Variants in ZFHX3 observed in about 807,000 individuals in gnomAD.
ZFHX3 encodes zinc finger homeobox protein 3.
In ZFHX3, 42 loss-of-function variants were observed where a neutral mutation model predicts 279.1. The observed-to-expected ratio is 0.15, with a 90% CI of 0.12 to 0.19. The LOEUF (loss-of-function observed/expected upper bound fraction) is 0.19, where lower values mean the gene tolerates loss of function less well. Ranked by LOEUF, ZFHX3 falls within the 10% of genes least tolerant of loss-of-function variation. The probability of loss-of-function intolerance (pLI) is 1.00; values close to 1 mark genes in which losing one functional copy is unlikely to be tolerated. For synonymous variants in ZFHX3, 2,293 were observed against 1,957.8 expected (o/e 1.17, Z -4.52); for missense variants, 4,981 against 4,754.0 (o/e 1.05, Z -1.40).
At chr16:73,585,835 T>C (rs976645369) in intron 2 of ZFHX3, among the ~76,000 whole-genome samples, 1 of 152,172 alleles carries the variant, frequency 6.6e-6, no homozygotes, top group South Asian at 2.1e-4. Context: ...GAAAATGTAC[T>C]GATTAATTTT....
At chr16:73,483,361 G>C (rs1381422886) in intron 2 of ZFHX3, 1 of 455,320 alleles carries the variant, frequency 2.2e-6, no homozygotes, top group Non-Finnish European at 4.4e-6. Context: ...AAGAGAGAGA[G>C]AGAGAGAGTT....
chr16:73,677,043 G>T (rs974463692), intron 2 of ZFHX3, among the ~76,000 whole-genome samples: 2 of 151,940 alleles, frequency 1.3e-5, no homozygotes, highest in Non-Finnish European at 2.9e-5. Flanking sequence ...GAAGACCAAA[G>T]GATACAGTGG....
At chr16:73,622,480 T>C (rs1053167626) in intron 2 of ZFHX3, among the ~76,000 whole-genome samples, 14 of 152,046 alleles carry the variant, frequency 9.2e-5, no homozygotes, top group Non-Finnish European at 4.4e-5. Context: ...GAGAATGGTG[T>C]GAACCGGGGA....
chr16:73,093,654 A>C (rs1035558989), intron 7 of ZFHX3: 1 of 464,782 alleles, frequency 2.2e-6, no homozygotes, highest in Non-Finnish European at 4.3e-6. Flanking sequence ...CCCACAGAAT[A>C]CAGTTCGCCA....
At chr16:73,432,778 TTTC>T (rs145575953) in intron 3 of ZFHX3, among the ~76,000 whole-genome samples, 75,524 of 151,504 alleles carry the variant, frequency 0.5, 19,632 homozygotes, top group South Asian at 0.59. Context: ...TCTGTGTGTT[TTTC>T]TTCTTCTTTT....
intron 4 of ZFHX3, among the ~76,000 whole-genome samples, chr16:72,841,013 A>T (rs1187997376): frequency 6.6e-6 from 1 of 152,220 alleles, no homozygotes; most frequent in African/African-American, 2.4e-5. Flanking sequence ...ACGTATTTAC[A>T]GGTTGCACAT....
intron 2 of ZFHX3, among the ~76,000 whole-genome samples, chr16:73,621,218 T>C (rs1222699909): frequency 6.6e-6 from 1 of 152,196 alleles, no homozygotes. Flanking sequence ...TGGCCTCTTA[T>C]CGTTTCCCTT....
At chr16:73,306,714 A>T (rs1318494166) in intron 4 of ZFHX3, among the ~76,000 whole-genome samples, 1 of 152,224 alleles carries the variant, frequency 6.6e-6, no homozygotes, top group Non-Finnish European at 1.5e-5. Context: ...CTGTGAGTGT[A>T]AGATCAAGGC....
chr16:72,920,832 G>A (rs1389474289), intron 3 of ZFHX3, among the ~76,000 whole-genome samples: 2 of 151,882 alleles, frequency 1.3e-5, no homozygotes, highest in African/African-American at 4.8e-5. Context: ...CACTTTTGGA[G>A]GCCAAGGTGG....
intron 1 of ZFHX3, 45 bp from the exon 2 acceptor site, chr16:72,960,239 G>C (rs750885863): frequency 1.4e-6 from 2 of 1,444,908 alleles, no homozygotes; most frequent in East Asian, 2.3e-5. Context: ...AGGGGAAAGA[G>C]AGAGAGAAAG....
intron 2 of ZFHX3, among the ~76,000 whole-genome samples, chr16:73,643,675 C>G (rs2052593259): frequency 6.6e-6 from 1 of 152,170 alleles, no homozygotes; most frequent in African/African-American, 2.4e-5. Flanking sequence ...CCATTGACAT[C>G]AAGTCCAGGC....
intron 2 of ZFHX3, among the ~76,000 whole-genome samples, chr16:73,492,475 C>T (rs2019070533): frequency 6.6e-6 from 1 of 152,212 alleles, no homozygotes; most frequent in South Asian, 2.1e-4. Context: ...CCAACTTCCA[C>T]ATTGCCACCA....
chr16:72,906,304 C>T (rs970702127), intron 3 of ZFHX3, among the ~76,000 whole-genome samples: 1 of 152,190 alleles, frequency 6.6e-6, no homozygotes, highest in African/African-American at 2.4e-5. Flanking sequence ...TGCTTACACT[C>T]AGTAAGTTCA....
chr16:73,784,816 T>TATACACACACACAC (rs1555501460), intron 1 of ZFHX3, among the ~76,000 whole-genome samples: 2 of 135,508 alleles, frequency 1.5e-5, no homozygotes, highest in African/African-American at 5.7e-5. Context: ...TATATATATA[T>TATACACACACACAC]ACACACACAC....
chr16:73,395,838 T>G (rs2017117062), intron 3 of ZFHX3, among the ~76,000 whole-genome samples: 1 of 152,130 alleles, frequency 6.6e-6, no homozygotes, highest in Non-Finnish European at 1.5e-5. Flanking sequence ...TAGACCCTAA[T>G]TACTTACCTT....
At chr16:73,259,032 G>C (rs2013741361) in intron 4 of ZFHX3, among the ~76,000 whole-genome samples, 1 of 152,100 alleles carries the variant, frequency 6.6e-6, no homozygotes, top group African/African-American at 2.4e-5. Context: ...TTCTATGTTG[G>C]AGCTACGGTT....
intron 4 of ZFHX3, among the ~76,000 whole-genome samples, chr16:73,261,749 C>G (rs1442734385): frequency 6.9e-6 from 1 of 144,370 alleles, no homozygotes; most frequent in Non-Finnish European, 1.5e-5. Context: ...AATCTCGGCT[C>G]ACCGCAACTT....
intron 3 of ZFHX3, among the ~76,000 whole-genome samples, chr16:73,334,053 G>C (rs78866685): frequency 0.096 from 14,654 of 152,190 alleles, 953 homozygotes; most frequent in Middle Eastern, 0.2. Context: ...ATCAGACAGA[G>C]AAGAGGATGG....
intron 2 of ZFHX3, among the ~76,000 whole-genome samples, chr16:73,655,809 T>A (rs2142170129): frequency 6.6e-6 from 1 of 152,320 alleles, no homozygotes; most frequent in East Asian, 1.9e-4. Context: ...TGACATTTAA[T>A]AGTCATGCTG....
Sources: allele counts gnomAD v4.1 joint callset (sites outside exome capture counted in the v4.1 genomes callset), GRCh38; gene constraint gnomAD v4.1.1; transcripts MANE v1.5; gene names NCBI Gene and HGNC (gene_info 2026-07-23, HGNC 2026-07-21).